Variants in KRT2 observed in about 807,000 individuals in gnomAD.
KRT2 encodes the protein keratin 2.
A neutral mutation model predicts 48.5 loss-of-function variants in KRT2; 37 were observed. That is an observed-to-expected ratio of 0.76 (90% CI 0.59 to 1.00). The LOEUF (loss-of-function observed/expected upper bound fraction) is 1.00, where lower values mean the gene tolerates loss of function less well. KRT2 is among the 50% of genes least tolerant of loss of function. The pLI is 0.00. For missense variants in KRT2, 880 were observed against 815.2 expected (o/e 1.08, Z -0.97); for synonymous variants, 324 against 312.2 (o/e 1.04, Z -0.40).
chr12:52,646,777 C>A lies in KRT2; in HGVS notation c.1432G>T (p.Ala478Ser). The change falls in exon 7 of 9, where the codon GCC becomes TCC. Residue 478 changes from alanine to serine, a missense_variant. Ala to Ser is a moderately conservative substitution (Grantham distance 99). Coordinates refer to ENST00000309680, the MANE Select transcript of KRT2 (RefSeq NM_000423.3). ...NVKLALDVEI[A>S]TYRKLLEGEE... ...CCCTCCAGCAGTTTGCGGTAGGTGG[C>A]GATCTCCACATCTAGGGCCAGCTTC... 6.2e-7 allele frequency: 1 copy of A among 1,613,992 alleles called. No individual in the cohort carries two copies.
intron 1 of KRT2, 41 bp downstream of exon 1, chr12:52,651,517 G>A (rs773670346): frequency 2.8e-6 from 4 of 1,426,454 alleles, no homozygotes; most frequent in Non-Finnish European, 4.0e-6. Flanking sequence ...TGGAAGTGAA[G>A]TGGCCTGAGC....
intron 7 of KRT2, among the ~76,000 whole-genome samples, chr12:52,645,797 A>T (rs1347243530): frequency 6.6e-6 from 1 of 152,262 alleles, no homozygotes; most frequent in African/African-American, 2.4e-5. Flanking sequence ...CTCTGATAAA[A>T]AATGAACAGT....
At chr12:52,648,713 A>G (rs1941205548) in intron 4 of KRT2, among the ~76,000 whole-genome samples, 1 of 152,156 alleles carries the variant, frequency 6.6e-6, no homozygotes, top group African/African-American at 2.4e-5. Flanking sequence ...TACAGTAGGC[A>G]CAGGAATGGG....
Position 52,649,994 on chromosome 12 carries a change from ACAGCAGTTAGATTAGTTC to A in KRT2, c.801-38_801-21del. On this transcript the variant is annotated intron_variant, in intron 2 of 8. Transcript: ENST00000309680. ...TCATACCTATTGGGACACAGATGTT[ACAGCAGTTAGATTAGTTC>A]CCCTTCATTTTTTTTCTTTTCCTTT... The A allele has an allele frequency of 1.3e-6, 2 of 1,587,944 alleles. No individual in the cohort carries two copies. The highest frequency in any genetic ancestry group is 1.7e-6 in the Non-Finnish European group (2 of 1,156,148).
At position 52,652,136 on chromosome 12, in the gene KRT2, A is replaced by C. The variant is rs746684651; in HGVS notation, c.7T>G (p.Cys3Gly). MS[C>G]QISCKSRGRG... is the part of the protein sequence containing the mutation. ...CCTCGAGATTTGCAAGAGATCTGACAACTCATGATGCCTTTGTCCAGGGAG... is the reference window on the plus strand; with the variant it reads ...CCTCGAGATTTGCAAGAGATCTGACCACTCATGATGCCTTTGTCCAGGGAG... The change falls in exon 1 of 9, where the codon TGT (cysteine) becomes GGT (glycine). Residue 3 changes from cysteine (C) to glycine (G), a missense_variant. Cys to Gly is a radical substitution (Grantham distance 159). Coordinates refer to ENST00000309680, the MANE Select transcript of KRT2 (RefSeq NM_000423.3). 5 of 1,543,592 alleles carry C rather than the reference A, an allele frequency of 3.2e-6. No individual in the cohort carries two copies. The highest frequency in any genetic ancestry group is 4.4e-6 in the Non-Finnish European group (5 of 1,149,388).
At chr12:52,648,055 A>G in intron 5 of KRT2, 118 bp downstream of exon 5, 1 of 1,301,036 alleles carries the variant, frequency 7.7e-7, no homozygotes, top group Non-Finnish European at 1.1e-6. Context: ...TTTCTTGGGA[A>G]TGGTGCCCAA....
chr12:52,648,225 T>C lies in KRT2; in HGVS notation c.1070A>G (p.Glu357Gly), dbSNP rs1197324019. ...TTCCTTGCTCCTCTGGGCGATCTCC[T>C]CATACTGGGCCTTGACCTCGGCGAT... is the stretch of plus-strand genomic sequence containing the variant. ...SIIAEVKAQYEEIAQRSKEEA... is the reference protein window; with the variant it reads ...SIIAEVKAQYGEIAQRSKEEA... The change falls in exon 5 of 9, where the codon GAG becomes GGG. Residue 357 changes from glutamate to glycine, a missense_variant. By Grantham distance (98) the Glu-to-Gly change is moderately conservative (BLOSUM62 -2). Transcript: ENST00000309680. 6.2e-7 allele frequency: 1 copy of C among 1,614,180 alleles called. No homozygotes were observed. Among genetic ancestry groups the C allele is most frequent in the Admixed American group, 1.7e-5 (1 of 60,028 alleles).
Position 52,651,957 on chromosome 12 carries a change from A to C in KRT2, c.186T>G (p.Ser62Arg). Residue 62 changes from serine (S) to arginine (R), a missense_variant, in exon 1 of 9, where the codon AGT (serine) becomes AGG (arginine). Transcript: ENST00000309680. Reference protein sequence around the residue: ...GFGGGGFGSRSLVGLGGTKSI... With the variant: ...GFGGGGFGSRRLVGLGGTKSI... ...TCTTGGTCCCTCCAAGGCCAACAAGACTCCGACTGCCAAAGCCGCCTCCAC... is the reference window on the plus strand; with the variant it reads ...TCTTGGTCCCTCCAAGGCCAACAAGCCTCCGACTGCCAAAGCCGCCTCCAC... 1 of 1,612,296 alleles carries C rather than the reference A, an allele frequency of 6.2e-7. No homozygotes were observed. Among genetic ancestry groups the C allele is most frequent in the Non-Finnish European group, 8.5e-7 (1 of 1,179,394 alleles).
intron 5 of KRT2, 77 bp downstream of exon 5, chr12:52,648,096 C>G: frequency 2.7e-6 from 4 of 1,502,188 alleles, no homozygotes; most frequent in Non-Finnish European, 3.7e-6. Flanking sequence ...AATAACCTTA[C>G]TGTACACTTT....
chr12:52,646,894 T>C lies in KRT2; in HGVS notation c.1315A>G (p.Arg439Gly). 1 of 1,614,232 alleles carries C rather than the reference T, an allele frequency of 6.2e-7. No homozygotes were observed. Among genetic ancestry groups the C allele is most frequent in the South Asian group, 1.1e-5 (1 of 91,082 alleles). The change falls in exon 7 of 9, where the codon AGG becomes GGG. Residue 439 changes from arginine (R) to glycine (G), a missense_variant. Transcript: ENST00000309680. ...TCCTCCAGGTCATTCAACTTGTTCC[T>C]GGCATCCTTGAGGGCATGCTCCCCA... is the stretch of plus-strand genomic sequence containing the variant. ...QRGEHALKDA[R>G]NKLNDLEEAL...
chr12:52,649,247 T>C, intron 3 of KRT2, 145 bp from the exon 4 acceptor site: 2 of 687,694 alleles, frequency 2.9e-6, no homozygotes, highest in Non-Finnish European at 5.4e-6. Context: ...TGGGACTTCT[T>C]TTGTCGTGCA....
chr12:52,649,702 C>T (rs1941219935), intron 3 of KRT2, among the ~76,000 whole-genome samples: 2 of 152,214 alleles, frequency 1.3e-5, no homozygotes, highest in African/African-American at 4.8e-5. Flanking sequence ...GGGAAGCACT[C>T]TACCAAAAAT....
chr12:52,648,098 G>C (rs1941195288), intron 5 of KRT2, 75 bp downstream of exon 5: 2 of 1,512,196 alleles, frequency 1.3e-6, no homozygotes, highest in East Asian at 4.5e-5. Context: ...TAACCTTACT[G>C]TACACTTTCC....
chr12:52,647,977 G>A, intron 5 of KRT2, 122 bp from the exon 6 acceptor site: 1 of 1,343,184 alleles, frequency 7.4e-7, no homozygotes, highest in Non-Finnish European at 1.1e-6. Flanking sequence ...TAAATGTCAT[G>A]GCTGCATTCA....
Position 52,651,462 on chromosome 12 carries a change from C to A in KRT2, c.585+96G>T. ...CCAGGCTACTGCGGTACACCACTGG[C>A]TCCTAAGAAATACAAATCTGTGCCA... On this transcript the variant is annotated intron_variant, in intron 1 of 8. Transcript: ENST00000309680. The A allele has an allele frequency of 3.1e-6, 3 of 980,272 alleles. No homozygotes were observed. The South Asian group carries it at 3.9e-5, about 13-fold the overall frequency. The allele number at this position is 980,272 out of a possible 1,614,324, so 60.7% of individuals were successfully genotyped here.
intron 5 of KRT2, 117 bp from the exon 6 acceptor site, chr12:52,647,972 GTCATGGCTGCAT>G: frequency 4.4e-6 from 6 of 1,367,790 alleles, no homozygotes; most frequent in Non-Finnish European, 6.2e-6. Flanking sequence ...CCAGCTAAAT[GTCATGGCTGCAT>G]TCATGAGAGG....
chr12:52,647,902 C>T (rs1941192414), intron 5 of KRT2, 47 bp from the exon 6 acceptor site: 1 of 1,612,708 alleles, frequency 6.2e-7, no homozygotes, highest in Non-Finnish European at 8.5e-7. Flanking sequence ...TCCAGCCTGG[C>T]TCACATTCCA....
At chr12:52,646,279 C>T (rs1941160188) in intron 7 of KRT2, among the ~76,000 whole-genome samples, 1 of 152,196 alleles carries the variant, frequency 6.6e-6, no homozygotes, top group Admixed American at 6.5e-5. Flanking sequence ...CCATTTGTCA[C>T]TCCAGAAACC....
At chr12:52,646,992 C>T in intron 6 of KRT2, 32 bp from the exon 7 acceptor site, 2 of 1,599,468 alleles carry the variant, frequency 1.3e-6, no homozygotes, top group Non-Finnish European at 1.7e-6. Flanking sequence ...TGGATTCTGC[C>T]TGACGGAGGC....
Sources: allele counts gnomAD v4.1 joint callset (sites outside exome capture counted in the v4.1 genomes callset), GRCh38; gene constraint gnomAD v4.1.1; transcripts MANE v1.5; gene names NCBI Gene and HGNC (gene_info 2026-07-23, HGNC 2026-07-21).